Variants in MTMR3 observed in about 807,000 individuals in gnomAD.
The protein encoded by MTMR3 is myotubularin related protein 3, also known as phosphatidylinositol-3,5-bisphosphate 3-phosphatase MTMR3.
MTMR3 carries 32 observed loss-of-function variants against 132.4 expected under a neutral mutation model. The ratio of observed to expected loss-of-function variants is 0.24; its 90% CI spans 0.18 to 0.32. The LOEUF is 0.32. MTMR3 is among the 10% of genes least tolerant of loss of function. MTMR3 has a pLI of 1.00. For missense variants in MTMR3, 1,216 were observed against 1,489.6 expected (o/e 0.82, Z 3.02); for synonymous variants, 556 against 550.3 (o/e 1.01, Z -0.14).
intron 15 of MTMR3, chr22:30,016,922 C>T (rs2067606505): frequency 1.9e-6 from 1 of 520,254 alleles, no homozygotes; most frequent in Non-Finnish European, 3.3e-6. Context: ...TTTGGTTTAA[C>T]ACAGATCTCT....
At chr22:29,927,506 A>AT (rs2065540698) in intron 1 of MTMR3, among the ~76,000 whole-genome samples, 4 of 151,926 alleles carry the variant, frequency 2.6e-5, no homozygotes, top group Non-Finnish European at 1.5e-5. Flanking sequence ...GTGGTCTTTA[A>AT]TTTTTTTCAA....
At chr22:29,901,769 C>T (rs1602432104) in intron 1 of MTMR3, among the ~76,000 whole-genome samples, 3 of 152,248 alleles carry the variant, frequency 2.0e-5, no homozygotes. Flanking sequence ...CTATGCTGGC[C>T]GCAAGCTCCT....
intron 1 of MTMR3, among the ~76,000 whole-genome samples, chr22:29,941,867 G>A (rs899180176): frequency 6.6e-6 from 1 of 152,092 alleles, no homozygotes; most frequent in African/African-American, 2.4e-5. Context: ...CTGTAATCCT[G>A]GCTACTTGGG....
chr22:30,009,759 T>C (rs1439913697), intron 12 of MTMR3: 1 of 152,234 alleles, frequency 6.6e-6, no homozygotes, highest in Non-Finnish European at 1.5e-5. Context: ...GGAAGAATGC[T>C]CTGTAAAACA....
At chr22:29,945,152 A>G (rs1172956444) in intron 1 of MTMR3, among the ~76,000 whole-genome samples, 2 of 152,110 alleles carry the variant, frequency 1.3e-5, no homozygotes, top group African/African-American at 4.8e-5. Flanking sequence ...AGCTGGGGCC[A>G]CAGGCACGTG....
chr22:29,972,771 A>G (rs1043915299), intron 3 of MTMR3, among the ~76,000 whole-genome samples: 1 of 152,156 alleles, frequency 6.6e-6, no homozygotes, highest in Non-Finnish European at 1.5e-5. Context: ...GGGTTTCGCC[A>G]TGTTGGCCAG....
At chr22:29,945,370 G>A (rs2065932359) in intron 1 of MTMR3, among the ~76,000 whole-genome samples, 1 of 152,066 alleles carries the variant, frequency 6.6e-6, no homozygotes, top group Admixed American at 6.5e-5. Flanking sequence ...ATATTGAAAT[G>A]GCACAGTGAA....
chr22:29,993,313 T>C (rs1481692089), intron 7 of MTMR3: 1 of 152,258 alleles, frequency 6.6e-6, no homozygotes, highest in Non-Finnish European at 1.5e-5. Context: ...TCATTTTTTA[T>C]GGCTCTTTTC....
At position 29,956,308 on chromosome 22, in the gene MTMR3, G is replaced by A. The variant is rs573832149; in HGVS notation, c.-137-728G>A. Among the ~76,000 whole-genome samples, 8 of 152,176 alleles carry A rather than the reference G, an allele frequency of 5.3e-5. 1 individual carries two copies. The South Asian group carries it at 1.5e-3, about 28-fold the overall frequency. On this transcript the variant is annotated intron_variant, in intron 1 of 19. Coordinates refer to ENST00000401950, the MANE Select transcript of MTMR3 (RefSeq NM_021090.4). ...ATTGCCCAGGCTGGAGTGCAGTGGCGTGATCTCGGCTCACTGAAACCTCCA... is the reference window on the plus strand; with the variant it reads ...ATTGCCCAGGCTGGAGTGCAGTGGCATGATCTCGGCTCACTGAAACCTCCA...
chr22:30,013,857 C>T (rs1372851336), intron 14 of MTMR3: 2 of 256,616 alleles, frequency 7.8e-6, no homozygotes, highest in Non-Finnish European at 1.5e-5. Flanking sequence ...AGTCTGTCTA[C>T]CAGACCCCCA....
intron 2 of MTMR3, among the ~76,000 whole-genome samples, chr22:29,965,325 C>T (rs556729950): frequency 6.6e-6 from 1 of 151,786 alleles, no homozygotes; most frequent in African/African-American, 2.4e-5. Flanking sequence ...GGCCTTATTT[C>T]TGGGTGAAGA....
chr22:29,974,076 T>C (rs1411349150), intron 3 of MTMR3, among the ~76,000 whole-genome samples: 1 of 152,164 alleles, frequency 6.6e-6, no homozygotes, highest in East Asian at 1.9e-4. Context: ...GGATGGAGAC[T>C]ACGAAGTGCC....
intron 1 of MTMR3, among the ~76,000 whole-genome samples, chr22:29,898,912 CTT>C (rs199656050): frequency 6.2e-4 from 88 of 142,988 alleles, no homozygotes; most frequent in African/African-American, 1.2e-3. Flanking sequence ...TTTCTCACAT[CTT>C]TTTTTTTTTT....
intron 1 of MTMR3, among the ~76,000 whole-genome samples, chr22:29,936,563 C>T (rs563876772): frequency 6.6e-6 from 1 of 151,534 alleles, no homozygotes; most frequent in Non-Finnish European, 1.5e-5. Flanking sequence ...TGTTTCAATG[C>T]TGAAATAAAG....
intron 16 of MTMR3, 55 bp from the exon 17 acceptor site, chr22:30,019,425 A>T (rs1447438290): frequency 6.7e-7 from 1 of 1,500,144 alleles, no homozygotes; most frequent in Non-Finnish European, 9.0e-7. Flanking sequence ...ATTGTCTCCT[A>T]CTTCCTCCAA....
chr22:29,918,468 T>C (rs967026098), intron 1 of MTMR3, among the ~76,000 whole-genome samples: 1 of 152,208 alleles, frequency 6.6e-6, no homozygotes, highest in Non-Finnish European at 1.5e-5. Flanking sequence ...TCTTTCTTTT[T>C]CATATATTTG....
Position 30,016,959 on chromosome 22 carries a change from T to C in MTMR3, c.1674+261T>C, listed in dbSNP as rs1235499752. On this transcript the variant is annotated intron_variant, in intron 15 of 19. Coordinates refer to ENST00000401950, the MANE Select transcript of MTMR3 (RefSeq NM_021090.4). ...CTTTGCCACCCTAGACATGAATCTT[T>C]TTTGGCACTGCCTCCAGAGCTTATT... 10 of 386,376 alleles carry C rather than the reference T, an allele frequency of 2.6e-5. No homozygotes were observed. In the East Asian group the frequency reaches 4.2e-4, roughly 16 times the overall value. 23.9% of individuals were successfully genotyped at this position (386,376 alleles called of 1,614,324 possible).
intron 16 of MTMR3, 195 bp from the exon 17 acceptor site, chr22:30,019,285 A>G: frequency 1.7e-6 from 1 of 588,338 alleles, no homozygotes; most frequent in Non-Finnish European, 3.0e-6. Context: ...TTTGAAAGGA[A>G]ATCTGCACAC....
intron 1 of MTMR3, among the ~76,000 whole-genome samples, chr22:29,956,452 C>T (rs1221411264): frequency 6.6e-6 from 1 of 151,694 alleles, no homozygotes; most frequent in African/African-American, 2.4e-5. Context: ...TTGCCATGTT[C>T]ACCAGGCTGG....
Sources: allele counts gnomAD v4.1 joint callset (sites outside exome capture counted in the v4.1 genomes callset), GRCh38; gene constraint gnomAD v4.1.1; transcripts MANE v1.5; gene names NCBI Gene and HGNC (gene_info 2026-07-23, HGNC 2026-07-21).